Variants in TCTN2 observed in about 807,000 individuals in gnomAD.
TCTN2 encodes the protein tectonic family member 2, also known as tectonic-2.
In TCTN2, 66 loss-of-function variants were observed where a neutral mutation model predicts 83.4. That is an observed-to-expected ratio of 0.79 (90% CI 0.65 to 0.97). The LOEUF (loss-of-function observed/expected upper bound fraction) is 0.97, where lower values mean the gene tolerates loss of function less well. Among genes scored for constraint, TCTN2 ranks in the 50% least tolerant of loss-of-function variants. The probability of loss-of-function intolerance (pLI) is 0.00; values close to 1 mark genes in which losing one functional copy is unlikely to be tolerated. For missense variants in TCTN2, 794 were observed against 858.1 expected, an observed-to-expected ratio of 0.93 and a Z score of 0.93; for synonymous variants, 301 against 326.7, an observed-to-expected ratio of 0.92 and a Z score of 0.85.
chr12:123,681,609 A>G (rs1270574099), intron 5 of TCTN2, among the ~76,000 whole-genome samples: 4 of 152,192 alleles, frequency 2.6e-5, no homozygotes, highest in Admixed American at 2.0e-4. Flanking sequence ...ATTCCATTGT[A>G]TGGATATATC....
Position 123,679,305 on chromosome 12 carries a change from A to G in TCTN2, c.564+16A>G, listed in dbSNP as rs1313084591. The G allele has an allele frequency of 8.7e-6, 14 of 1,609,330 alleles. No homozygotes were observed. Among genetic ancestry groups the G allele is most frequent in the Non-Finnish European group, 1.1e-5 (13 of 1,175,874 alleles). On this transcript the variant is annotated intron_variant, in intron 5 of 17. Transcript: ENST00000303372. ...CTGTGACCAGGTATGTTCTTTGGTT[A>G]TTGGGCACAAAAGTTATGCTACCTG...
chr12:123,704,586 T>C lies in TCTN2; in HGVS notation c.1667T>C (p.Met556Thr), dbSNP rs375561438. Residue 556 changes from methionine to threonine, a missense_variant, in exon 15 of 18, where the codon ATG becomes ACG. Physicochemically the swap from Met to Thr is moderately conservative, Grantham distance 81 (BLOSUM62 -1). Transcript: ENST00000303372. ...ADPLASSVNG[M>T]CLDIPAHLSI... is the part of the protein sequence containing the mutation. ...CCGCTGGCTAGCAGTGTGAACGGCA[T>C]GTGCCTGGATATTCCTGCTCACCTG... The C allele has an allele frequency of 2.4e-5, 39 of 1,613,598 alleles. No homozygotes were observed. Among genetic ancestry groups the C allele is most frequent in the Non-Finnish European group, 3.3e-5 (39 of 1,179,978 alleles).
intron 12 of TCTN2, 73 bp from the exon 13 acceptor site, chr12:123,697,014 C>A (rs1252765256): frequency 1.6e-6 from 2 of 1,220,092 alleles, no homozygotes; most frequent in Admixed American, 1.7e-5. Flanking sequence ...TTCTGTTTTT[C>A]ACGGAAAACT....
intron 5 of TCTN2, among the ~76,000 whole-genome samples, chr12:123,680,705 C>T (rs148068428): frequency 3.3e-5 from 5 of 150,938 alleles, no homozygotes; most frequent in East Asian, 2.0e-4. Flanking sequence ...TTAGTAGAGG[C>T]GGGGTTTCAC....
chr12:123,672,758 A>G (rs1379432797), intron 3 of TCTN2, among the ~76,000 whole-genome samples: 1 of 152,002 alleles, frequency 6.6e-6, no homozygotes, highest in African/African-American at 2.4e-5. Context: ...CTTAAAAAAA[A>G]AGAAAAAGCT....
At chr12:123,695,197 A>G (rs1430956068) in intron 10 of TCTN2, 23 bp from the exon 11 acceptor site, 5 of 1,500,932 alleles carry the variant, frequency 3.3e-6, no homozygotes, top group Admixed American at 1.7e-5. Flanking sequence ...TGCACATTAT[A>G]TTTTATTTTG....
rs201322440 is a variant in TCTN2, at chr12:123,688,163, T to A, written c.877T>A (p.Phe293Ile). The A allele has an allele frequency of 6.2e-7, 1 of 1,613,708 alleles. No individual in the cohort carries two copies. ...CATTATGACTGTAAAGAAGGCATAT[T>A]TTACTATTCCGCAGGTAATCGTTGC... Reference protein sequence around the residue: ...DPIMTVKKAYFTIPQVSLAGQ... With the variant: ...DPIMTVKKAYITIPQVSLAGQ... The change falls in exon 7 of 18, where the codon TTT becomes ATT. Residue 293 changes from phenylalanine (F) to isoleucine (I), a missense_variant. Phe to Ile is a conservative substitution (Grantham distance 21). Coordinates refer to ENST00000303372, the MANE Select transcript of TCTN2 (RefSeq NM_024809.5).
rs963398015 is a variant in TCTN2 at position 123,686,733 on chromosome 12, C to G, written c.565-103C>G. ...CACAGATTATAGGTTTTCTTGCTTACTTGGTAGTGTCCTGCTGGCCTTAAA... is the reference window on the plus strand; with the variant it reads ...CACAGATTATAGGTTTTCTTGCTTAGTTGGTAGTGTCCTGCTGGCCTTAAA... On this transcript the variant is annotated intron_variant, in intron 5 of 17. Transcript: ENST00000303372. 4.5e-6 allele frequency: 5 copies of G among 1,117,858 alleles called. No homozygotes were observed. The African/African-American group carries it at 7.7e-5, about 17-fold the overall frequency. 69.2% of individuals were successfully genotyped at this position (1,117,858 alleles called of 1,614,324 possible).
chr12:123,699,746 T>C lies in TCTN2; in HGVS notation c.1548T>C (p.Thr516=). 1 of 1,614,178 alleles carries C rather than the reference T, an allele frequency of 6.2e-7. No homozygotes were observed. The highest frequency in any genetic ancestry group is 1.1e-5 in the South Asian group (1 of 91,090). The change falls in exon 14 of 18, where the codon ACT becomes ACC. Residue 516 remains threonine, a synonymous_variant. Coordinates refer to ENST00000303372, the MANE Select transcript of TCTN2 (RefSeq NM_024809.5). ...GACTTGATTCATTAATACAAGCGACTCACGTTGCAATGAGAGGCAACTCCG... is the reference window on the plus strand; with the variant it reads ...GACTTGATTCATTAATACAAGCGACCCACGTTGCAATGAGAGGCAACTCCG... ...VERLDSLIQA[T]HVAMRGNSDY... is the part of the protein sequence containing the mutation.
At chr12:123,698,081 T>C (rs1044071362) in intron 13 of TCTN2, among the ~76,000 whole-genome samples, 2 of 151,836 alleles carry the variant, frequency 1.3e-5, no homozygotes, top group African/African-American at 2.4e-5. Context: ...TCACTCTTGT[T>C]GCCCAGGCTG....
Position 123,697,050 on chromosome 12 carries a change from CA to C in TCTN2, c.1394-32del, listed in dbSNP as rs750727630. On this transcript the variant is annotated intron_variant, in intron 12 of 17. Coordinates refer to ENST00000303372, the MANE Select transcript of TCTN2 (RefSeq NM_024809.5). ...GAAGTTAATCTTTACTTTTGTTTAG[CA>C]AAAAGTAGCAAGAGGATAATCTTTT... 38 of 1,518,852 alleles carry C rather than the reference CA, an allele frequency of 2.5e-5. No individual in the cohort carries two copies. In the African/African-American group the frequency reaches 4.0e-4, roughly 16 times the overall value. The allele number at this position is 1,518,852 out of a possible 1,614,324, so 94.1% of individuals were successfully genotyped here.
intron 4 of TCTN2, among the ~76,000 whole-genome samples, chr12:123,675,409 G>A (rs1336919210): frequency 6.6e-6 from 1 of 152,146 alleles, no homozygotes; most frequent in Non-Finnish European, 1.5e-5. Flanking sequence ...TTATGGCCAC[G>A]TGGCATGGAG....
chr12:123,679,339 C>A (rs1240779142), intron 5 of TCTN2, 50 bp downstream of exon 5: 1 of 1,472,900 alleles, frequency 6.8e-7, no homozygotes. Flanking sequence ...TGTGAGAACA[C>A]CAGCAGTTCC....
chr12:123,672,419 A>C (rs1955765933), intron 3 of TCTN2, among the ~76,000 whole-genome samples: 1 of 152,108 alleles, frequency 6.6e-6, no homozygotes, highest in Admixed American at 6.5e-5. Flanking sequence ...TTTCCTTTAG[A>C]TCATCAAATG....
intron 9 of TCTN2, among the ~76,000 whole-genome samples, chr12:123,693,979 G>A (rs1305984837): frequency 2.6e-5 from 4 of 151,174 alleles, no homozygotes; most frequent in Admixed American, 6.6e-5. Flanking sequence ...CACCAATCCC[G>A]GCTAATTTTT....
Position 123,679,253 on chromosome 12 carries a change from A to G in TCTN2, c.528A>G (p.Thr176=), listed in dbSNP as rs1273355808. 3.1e-6 allele frequency: 5 copies of G among 1,613,980 alleles called. No homozygotes were observed. Among genetic ancestry groups the G allele is most frequent in the Non-Finnish European group, 4.2e-6 (5 of 1,179,978 alleles). ...TTGGCCCTTGTCCTTGTAATTTAAC[A>G]GCTGGAGCCTGTGATGTTCGCTGCT... ...QPLGPCPCNL[T]AGACDVRCCC... is the part of the protein sequence containing the mutation. The change falls in exon 5 of 18, where the codon ACA becomes ACG. Residue 176 remains threonine, a synonymous_variant. Coordinates refer to ENST00000303372, the MANE Select transcript of TCTN2 (RefSeq NM_024809.5).
chr12:123,675,209 C>T (rs1955805874), intron 4 of TCTN2, among the ~76,000 whole-genome samples: 2 of 152,174 alleles, frequency 1.3e-5, no homozygotes, highest in South Asian at 4.1e-4. Flanking sequence ...CAGCAAAGAT[C>T]GTTATGCCCG....
intron 4 of TCTN2, among the ~76,000 whole-genome samples, chr12:123,678,101 G>C (rs573313861): frequency 2.0e-5 from 3 of 152,156 alleles, no homozygotes; most frequent in African/African-American, 7.2e-5. Context: ...CCCTCTGAGA[G>C]TGCGAGCCCC....
chr12:123,704,438 T>C (rs1156978483), intron 14 of TCTN2, 94 bp from the exon 15 acceptor site: 23 of 1,319,352 alleles, frequency 1.7e-5, no homozygotes, highest in Non-Finnish European at 2.4e-5. Flanking sequence ...ATGTGATGCC[T>C]GCCTGATATT....
Sources: allele counts gnomAD v4.1 joint callset (sites outside exome capture counted in the v4.1 genomes callset), GRCh38; gene constraint gnomAD v4.1.1; transcripts MANE v1.5; gene names NCBI Gene and HGNC (gene_info 2026-07-23, HGNC 2026-07-21).